Variants in IQCK observed in about 807,000 individuals in gnomAD.
IQCK encodes IQ motif containing K, also known as IQ domain-containing protein K.
A neutral mutation model predicts 28.1 loss-of-function variants in IQCK; 29 were observed. The ratio of observed to expected loss-of-function variants is 1.03; its 90% CI spans 0.77 to 1.41. IQCK has a LOEUF of 1.41. Ranked by LOEUF, IQCK falls within the 40% of genes most tolerant of loss-of-function variation. The pLI is 0.00. For missense variants in IQCK, 359 were observed against 314.7 expected (o/e 1.14, Z -1.07); for synonymous variants, 113 against 115.1 (o/e 0.98, Z 0.12).
At chr16:19,854,772 G>A (rs2056534187) in intron 9 of IQCK, among the ~76,000 whole-genome samples, 1 of 152,000 alleles carries the variant, frequency 6.6e-6, no homozygotes, top group African/African-American at 2.4e-5. Flanking sequence ...CAATCCCTGG[G>A]GAGCTGTTAA....
chr16:19,785,318 G>T (rs1345155068), intron 6 of IQCK, among the ~76,000 whole-genome samples: 1 of 152,278 alleles, frequency 6.6e-6, no homozygotes, highest in East Asian at 1.9e-4. Context: ...CTGGCTAGGG[G>T]TATACTGGAG....
At chr16:19,735,491 A>G (rs762181819) in intron 4 of IQCK, 41 bp downstream of exon 4, 2 of 1,396,556 alleles carry the variant, frequency 1.4e-6, no homozygotes, top group Non-Finnish European at 1.0e-6. Flanking sequence ...GAGATTCTCA[A>G]TCATTCATTA....
chr16:19,729,170 G>A (rs1465844389), intron 1 of IQCK, among the ~76,000 whole-genome samples: 1 of 152,056 alleles, frequency 6.6e-6, no homozygotes, highest in South Asian at 2.1e-4. Context: ...TCAGAGTCTC[G>A]CTGTGTCGCT....
chr16:19,756,712 A>G (rs958611648), intron 4 of IQCK, among the ~76,000 whole-genome samples: 1 of 152,128 alleles, frequency 6.6e-6, no homozygotes, highest in Non-Finnish European at 1.5e-5. Flanking sequence ...CCTGGCTAAC[A>G]CAGTGAAACC....
At chr16:19,802,992 C>T (rs566159410) in intron 7 of IQCK, among the ~76,000 whole-genome samples, 1 of 152,308 alleles carries the variant, frequency 6.6e-6, no homozygotes, top group East Asian at 1.9e-4. Flanking sequence ...TCGAGCTTCA[C>T]TGTTCATCAA....
intron 1 of IQCK, among the ~76,000 whole-genome samples, chr16:19,723,677 G>A (rs1270297074): frequency 6.6e-6 from 1 of 152,118 alleles, no homozygotes; most frequent in Non-Finnish European, 1.5e-5. Flanking sequence ...TTCCTGGCCG[G>A]GCGTGGTAGC....
At chr16:19,766,474 A>G (rs1440988853) in intron 6 of IQCK, among the ~76,000 whole-genome samples, 1 of 152,240 alleles carries the variant, frequency 6.6e-6, no homozygotes, top group East Asian at 1.9e-4. Flanking sequence ...CAAATGCTGC[A>G]TTCTTCTTGT....
intron 7 of IQCK, among the ~76,000 whole-genome samples, chr16:19,812,845 G>C (rs1057003364): frequency 6.6e-6 from 1 of 152,162 alleles, no homozygotes; most frequent in Admixed American, 6.6e-5. Flanking sequence ...AAAAAGGTAG[G>C]GGGGGAAATT....
At chr16:19,742,341 G>A (rs994538680) in intron 4 of IQCK, among the ~76,000 whole-genome samples, 3 of 151,988 alleles carry the variant, frequency 2.0e-5, no homozygotes, top group Non-Finnish European at 2.9e-5. Flanking sequence ...TAATTAAATC[G>A]GATTCCCTCC....
chr16:19,822,328 G>T (rs2056085349), intron 7 of IQCK, among the ~76,000 whole-genome samples: 1 of 146,236 alleles, frequency 6.8e-6, no homozygotes, highest in Non-Finnish European at 1.5e-5. Context: ...AGAGGTTGCA[G>T]TGAGCTGAGA....
At chr16:19,726,570 C>T (rs1211695872) in intron 1 of IQCK, among the ~76,000 whole-genome samples, 1 of 151,918 alleles carries the variant, frequency 6.6e-6, no homozygotes, top group African/African-American at 2.4e-5. Flanking sequence ...CCTAAATGCC[C>T]ATGAAGAGTA....
At chr16:19,722,711 C>CTT (rs58389026) in intron 1 of IQCK, among the ~76,000 whole-genome samples, 3 of 144,676 alleles carry the variant, frequency 2.1e-5, no homozygotes, top group African/African-American at 5.1e-5. Flanking sequence ...CCCAGTCCAG[C>CTT]TTTTTTTTTT....
At position 19,735,533 on chromosome 16, in the gene IQCK, A is replaced by G. The variant is rs1597504076; in HGVS notation, c.474+83A>G. ...GATGATAGCTCATTATCTTGGTACC[A>G]TCAGGTTGTTCTCCAGATGACCCCT... On this transcript the variant is annotated intron_variant, in intron 4 of 7. Coordinates refer to ENST00000564186, the Ensembl canonical transcript of IQCK. 2.5e-5 allele frequency: 29 copies of G among 1,171,362 alleles called. No homozygotes were observed. The East Asian group carries it at 5.2e-4, about 21-fold the overall frequency. The allele number at this position is 1,171,362 out of a possible 1,614,324, so 72.6% of individuals were successfully genotyped here.
At chr16:19,815,419 A>G (rs1250278391) in intron 7 of IQCK, among the ~76,000 whole-genome samples, 1 of 152,174 alleles carries the variant, frequency 6.6e-6, no homozygotes, top group East Asian at 1.9e-4. Flanking sequence ...AGGAGGTGGA[A>G]GTGAGATGAC....
chr16:19,817,393 G>A (rs1164630889), intron 7 of IQCK, among the ~76,000 whole-genome samples: 2 of 152,260 alleles, frequency 1.3e-5, no homozygotes, highest in East Asian at 3.9e-4. Flanking sequence ...TTTCCCCAGG[G>A]CTCACAAAAG....
At chr16:19,744,145 T>C (rs1335716490) in intron 4 of IQCK, among the ~76,000 whole-genome samples, 7 of 152,184 alleles carry the variant, frequency 4.6e-5, no homozygotes, top group African/African-American at 1.7e-4. Flanking sequence ...TATTTTGATT[T>C]TGAGTCACTC....
chr16:19,742,346 CCCTCCATGTTCCCCCG>C (rs1302094734), intron 4 of IQCK, among the ~76,000 whole-genome samples: 11 of 152,124 alleles, frequency 7.2e-5, no homozygotes, highest in Admixed American at 1.3e-4. Context: ...AAATCGGATT[CCCTCCATGTTCCCCCG>C]TCCCCGGTCA....
chr16:19,843,775 ACTT>A (rs1048355554), intron 9 of IQCK, among the ~76,000 whole-genome samples: 6 of 152,030 alleles, frequency 3.9e-5, no homozygotes, highest in Admixed American at 1.3e-4. Flanking sequence ...TGGTGTCTCT[ACTT>A]CTTCTTCTTG....
chr16:19,736,323 C>T (rs1477193775), intron 4 of IQCK: 1 of 370,652 alleles, frequency 2.7e-6, no homozygotes, highest in East Asian at 7.4e-5. Context: ...GGTGCAGTGG[C>T]GTAATCATGG....
Sources: gnomAD v4.1 joint callset for allele counts (sites outside exome capture counted in the v4.1 genomes callset) on GRCh38, gnomAD v4.1.1 for gene constraint, MANE v1.5 for transcripts, NCBI Gene and HGNC (gene_info 2026-07-23, HGNC 2026-07-21) for gene names.